Variants in RBM23 observed in about 807,000 individuals in gnomAD.
RBM23 encodes the protein probable RNA-binding protein 23.
Under a neutral mutation model 56.2 loss-of-function variants are expected in RBM23, and 53 were observed. The observed-to-expected ratio is 0.94, with a 90% CI of 0.76 to 1.19. The LOEUF (loss-of-function observed/expected upper bound fraction) is 1.19, where lower values mean the gene tolerates loss of function less well. Ranked by LOEUF, RBM23 falls within the 50% of genes most tolerant of loss-of-function variation. The pLI, the probability that RBM23 is intolerant of heterozygous loss-of-function variation, is 0.00. For missense variants in RBM23, 642 were observed against 590.3 expected (o/e 1.09, Z -0.91); for synonymous variants, 197 against 198.5 (o/e 0.99, Z 0.06).
intron 1 of RBM23, among the ~76,000 whole-genome samples, chr14:22,913,098 G>A (rs1436508326): frequency 6.6e-6 from 1 of 150,398 alleles, no homozygotes; most frequent in African/African-American, 2.4e-5. Flanking sequence ...TAAGGGGAAG[G>A]GCTGGGAGAA....
intron 1 of RBM23, among the ~76,000 whole-genome samples, chr14:22,915,209 G>C (rs1259948871): frequency 1.3e-5 from 2 of 152,102 alleles, no homozygotes; most frequent in African/African-American, 2.4e-5. Flanking sequence ...ATTACTTGGA[G>C]CCAAATTTAA....
rs761704152 is a variant in RBM23 at position 22,904,946 on chromosome 14, G to A, written c.793C>T (p.Leu265Phe). The A allele has an allele frequency of 3.0e-5, 49 of 1,614,204 alleles. No individual in the cohort carries two copies. The highest frequency in any genetic ancestry group is 4.1e-5 in the Non-Finnish European group (48 of 1,180,034). The change falls in exon 9 of 14, where the codon CTC becomes TTC. Residue 265 changes from leucine (L) to phenylalanine (F), a missense_variant. Transcript: ENST00000359890. ...TTGAAGTGCAGGGAACCCACATAGA[G>A]GCGCATTGGTCCACCATTGCCCTTT... ...LQKGNGGPMR[L>F]YVGSLHFNIT...
intron 1 of RBM23, among the ~76,000 whole-genome samples, chr14:22,914,805 A>G (rs1050372774): frequency 6.6e-6 from 1 of 151,902 alleles, no homozygotes; most frequent in Non-Finnish European, 1.5e-5. Flanking sequence ...GGATATGGTG[A>G]AACCTCATCC....
chr14:22,897,809 C>T lies in RBM23; in HGVS notation c.*3921G>A, dbSNP rs921203848. On this transcript the variant is annotated 3_prime_UTR_variant, in exon 14 of 14. Coordinates refer to ENST00000359890, the MANE Select transcript of RBM23 (RefSeq NM_001077351.2). ...AGAGTACTTGGATTGGAATCCCTAACTTGCTAACTTTGTGCTTATGGGGAA... is the reference window on the plus strand; with the variant it reads ...AGAGTACTTGGATTGGAATCCCTAATTTGCTAACTTTGTGCTTATGGGGAA... The T allele has an allele frequency of 6.6e-6, 1 of 152,204 alleles. No individual in the cohort carries two copies. The highest frequency in any genetic ancestry group is 1.5e-5 in the Non-Finnish European group (1 of 68,036). The allele number at this position is 152,204 out of a possible 1,614,324, so 9.4% of individuals were successfully genotyped here.
Position 22,902,958 on chromosome 14 carries a change from T to G in RBM23, c.931-576A>C, listed in dbSNP as rs1478753901. On this transcript the variant is annotated intron_variant, in intron 10 of 13. Transcript: ENST00000359890. ...CCCAGCTAGTTTTTTTATTTTTATT[T>G]TTTAGTAGAGATGGGGTTTCACCAC... The G allele has an allele frequency of 4.3e-6, 3 of 691,766 alleles. No individual in the cohort carries two copies. In the Admixed American group the frequency reaches 1.9e-4, roughly 44 times the overall value. 42.9% of individuals were successfully genotyped at this position (691,766 alleles called of 1,614,324 possible).
rs193296459 is a variant in RBM23 at position 22,906,378 on chromosome 14, G to C, written c.228-10C>G. ...CCGATCTCGACTACGACTACAGAGG[G>C]AAACAACTACAGTCATGCCCACATC... On this transcript the variant is annotated splice_polypyrimidine_tract_variant and intron_variant, in intron 4 of 13. Transcript: ENST00000359890. 1.9e-6 allele frequency: 3 copies of C among 1,613,694 alleles called. No homozygotes were observed. In the East Asian group the frequency reaches 6.7e-5, roughly 36 times the overall value.
At chr14:22,917,149 T>C (rs1330247995) in intron 1 of RBM23, 2 of 152,160 alleles carry the variant, frequency 1.3e-5, no homozygotes, top group Admixed American at 6.5e-5. Context: ...ATTACAGACA[T>C]GAGCCACCGA....
chr14:22,916,077 A>G (rs1385468175), intron 1 of RBM23, among the ~76,000 whole-genome samples: 1 of 152,096 alleles, frequency 6.6e-6, no homozygotes, highest in African/African-American at 2.4e-5. Flanking sequence ...TTAGCCACGC[A>G]TGGTGGTGCG....
chr14:22,918,003 A>G (rs986026394), intron 1 of RBM23, among the ~76,000 whole-genome samples: 2 of 152,268 alleles, frequency 1.3e-5, no homozygotes, highest in Middle Eastern at 3.4e-3. Context: ...GCTGGGCACA[A>G]ACACCTACAA....
chr14:22,917,770 A>G (rs1326546032), intron 1 of RBM23: 1 of 152,114 alleles, frequency 6.6e-6, no homozygotes, highest in African/African-American at 2.4e-5. Context: ...GGTCCACTCA[A>G]TCTCATCCAC....
chr14:22,905,626 G>C lies in RBM23; in HGVS notation c.435C>G (p.Phe145Leu), dbSNP rs1371967836. Residue 145 changes from phenylalanine to leucine, a missense_variant, in exon 6 of 14, where the codon TTC (phenylalanine) becomes TTG (leucine). Transcript: ENST00000359890. ...CCCACCTGACTGGGCTCTTCTCTCT[G>C]AAATGAGGACTCTTACTGTGTCCAT... ...YRYGHSKSPH[F>L]REKSPVREPV... The C allele has an allele frequency of 6.2e-7, 1 of 1,610,276 alleles. No individual in the cohort carries two copies. Among genetic ancestry groups the C allele is most frequent in the African/African-American group, 1.3e-5 (1 of 75,038 alleles).
In RBM23 at chr14:22,898,784, A is replaced by T. The variant is rs1243666940; in HGVS notation, c.*2946T>A. 1 of 151,972 alleles carries T rather than the reference A, an allele frequency of 6.6e-6. No homozygotes were observed. The highest frequency in any genetic ancestry group is 2.4e-5 in the African/African-American group (1 of 41,454). 9.4% of individuals were successfully genotyped at this position (151,972 alleles called of 1,614,324 possible). A position where few individuals can be genotyped will look rare whatever the true frequency, so the allele number is the denominator to read the frequency against. ...GAAGGCAGGGAGGCAAGGCCTGTGGATATTTATAATAGTCTGAAGGAGCCA... is the reference window on the plus strand; with the variant it reads ...GAAGGCAGGGAGGCAAGGCCTGTGGTTATTTATAATAGTCTGAAGGAGCCA... On this transcript the variant is annotated 3_prime_UTR_variant, in exon 14 of 14. Coordinates refer to ENST00000359890, the MANE Select transcript of RBM23 (RefSeq NM_001077351.2).
intron 3 of RBM23, 146 bp downstream of exon 3, chr14:22,909,337 A>G (rs1336713165): frequency 5.8e-6 from 4 of 686,350 alleles, no homozygotes; most frequent in African/African-American, 3.6e-5. Context: ...AAATCAAGTC[A>G]CCATTATTCT....
intron 6 of RBM23, 76 bp from the exon 7 acceptor site, chr14:22,905,529 A>G (rs2041380229): frequency 6.3e-7 from 1 of 1,597,152 alleles, no homozygotes; most frequent in Non-Finnish European, 8.6e-7. Flanking sequence ...CAAGTATTAC[A>G]CATTCCTGTA....
Position 22,901,807 on chromosome 14 carries a change from G to C in RBM23, c.1316+7C>G, listed in dbSNP as rs771233844. 6.2e-7 allele frequency: 1 copy of C among 1,614,188 alleles called. No individual in the cohort carries two copies. Among genetic ancestry groups the C allele is most frequent in the Non-Finnish European group, 8.5e-7 (1 of 1,180,000 alleles). On this transcript the variant is annotated splice_region_variant and intron_variant, in intron 13 of 13. Transcript: ENST00000359890. ...AAGGCTAGAATGAGCTAGACCCTGA[G>C]ACTCACATGGTCTGGGGGGTAAAGA...
chr14:22,902,528 G>A (rs1439812450), intron 10 of RBM23, 146 bp from the exon 11 acceptor site: 5 of 1,393,766 alleles, frequency 3.6e-6, no homozygotes, highest in Non-Finnish European at 4.7e-6. Flanking sequence ...TATGACCTAG[G>A]CCCATCACCT....
At chr14:22,912,855 C>T (rs2042773298) in intron 1 of RBM23, among the ~76,000 whole-genome samples, 1 of 151,842 alleles carries the variant, frequency 6.6e-6, no homozygotes, top group African/African-American at 2.4e-5. Context: ...CAAAAATTAG[C>T]TGGACGTGGT....
chr14:22,904,459 G>T lies in RBM23; in HGVS notation c.865-133C>A, dbSNP rs1479039428. ...CTCACCCACTCCAGCCTGGGTGACA[G>T]AGTGAGACCTTGTCTCGGAAAAAAA... is the stretch of plus-strand genomic sequence containing the variant. On this transcript the variant is annotated intron_variant, in intron 9 of 13. Transcript: ENST00000359890. 5.4e-6 allele frequency: 4 copies of T among 740,792 alleles called. No homozygotes were observed. The African/African-American group carries it at 7.4e-5, about 14-fold the overall frequency. The allele number at this position is 740,792 out of a possible 1,614,324, so 45.9% of individuals were successfully genotyped here. A position where few individuals can be genotyped will look rare whatever the true frequency, so the allele number is the denominator to read the frequency against.
intron 1 of RBM23, chr14:22,917,438 A>C (rs918760700): frequency 1.3e-5 from 2 of 152,234 alleles, no homozygotes; most frequent in Non-Finnish European, 2.9e-5. Flanking sequence ...CGTTTAAGCA[A>C]AGCCATATAC....
Sources: gnomAD v4.1 joint callset for allele counts (sites outside exome capture counted in the v4.1 genomes callset) on GRCh38, gnomAD v4.1.1 for gene constraint, MANE v1.5 for transcripts, NCBI Gene and HGNC (gene_info 2026-07-23, HGNC 2026-07-21) for gene names.